Variants in MBNL2 observed in about 807,000 individuals in gnomAD.
The protein encoded by MBNL2 is muscleblind like splicing regulator 2, also known as muscleblind-like protein 2.
Under a neutral mutation model 41.9 loss-of-function variants are expected in MBNL2, and 17 were observed. That is an observed-to-expected ratio of 0.41 (90% CI 0.28 to 0.61). The LOEUF (loss-of-function observed/expected upper bound fraction) is 0.61. Ranked by LOEUF, MBNL2 falls within the 20% of genes least tolerant of loss-of-function variation. The probability of loss-of-function intolerance (pLI) is 0.35; values close to 1 mark genes in which losing one functional copy is unlikely to be tolerated. For synonymous variants in MBNL2, 195 were observed against 182.9 expected (o/e 1.07, Z -0.53); for missense variants, 336 against 505.6 (o/e 0.66, Z 3.22).
At chr13:97,201,532 CTTA>C in the MBNL2 span, among the ~76,000 whole-genome samples, 84 of 152,238 alleles carry the variant, frequency 5.5e-4, 1 homozygote, top group East Asian at 1.7e-3. Context: ...AAATTATTTA[CTTA>C]TTATTCCTTT....
chr13:97,246,585 C>T (rs1042436761), intron 1 of MBNL2, among the ~76,000 whole-genome samples: 8 of 152,124 alleles, frequency 5.3e-5, no homozygotes, highest in African/African-American at 9.7e-5. Context: ...TTAACTACTG[C>T]GAATAAACTT....
chr13:97,382,980 G>A (rs186494390), intron 8 of MBNL2, among the ~76,000 whole-genome samples: 119 of 152,244 alleles, frequency 7.8e-4, no homozygotes, highest in African/African-American at 2.8e-3. Context: ...CAGTGCTCTT[G>A]AATATGTCTT....
intron 2 of MBNL2, among the ~76,000 whole-genome samples, chr13:97,297,644 C>A (rs1407142403): frequency 1.3e-5 from 2 of 152,116 alleles, no homozygotes; most frequent in Non-Finnish European, 2.9e-5. Context: ...AAAAAAGTAT[C>A]CCCAGCCAAG....
intron 2 of MBNL2, among the ~76,000 whole-genome samples, chr13:97,290,661 C>A (rs1421247623): frequency 7.4e-6 from 1 of 135,852 alleles, no homozygotes; most frequent in African/African-American, 2.8e-5. Context: ...CTGGCCTGGG[C>A]GACAGAGCGA....
At chr13:97,311,509 C>A (rs765976697) in intron 2 of MBNL2, among the ~76,000 whole-genome samples, 1 of 152,130 alleles carries the variant, frequency 6.6e-6, no homozygotes, top group South Asian at 2.1e-4. Flanking sequence ...CACACTTAAG[C>A]TTTTCATTCT....
intron 2 of MBNL2, among the ~76,000 whole-genome samples, chr13:97,325,427 A>G (rs967871301): frequency 1.3e-5 from 2 of 152,210 alleles, no homozygotes; most frequent in East Asian, 3.9e-4. Context: ...GCCAACCAAA[A>G]TGCATTTAAA....
At chr13:97,391,201 A>G in intron 8 of MBNL2, 121 bp from the exon 9 acceptor site, 1 of 620,674 alleles carries the variant, frequency 1.6e-6, no homozygotes, top group Non-Finnish European at 2.9e-6. Flanking sequence ...TTGCATCAAA[A>G]TAATGAGAGA....
chr13:97,167,219 C>CA, the MBNL2 span, among the ~76,000 whole-genome samples: 1 of 151,934 alleles, frequency 6.6e-6, no homozygotes, highest in Admixed American at 6.6e-5. Flanking sequence ...AGGCCAAAAC[C>CA]AAAATAGCAA....
chr13:97,239,270 G>A (rs1296032086), intron 1 of MBNL2, among the ~76,000 whole-genome samples: 1 of 152,178 alleles, frequency 6.6e-6, no homozygotes, highest in East Asian at 1.9e-4. Context: ...ATAACAACCT[G>A]CCAATATAGA....
intron 2 of MBNL2, among the ~76,000 whole-genome samples, chr13:97,288,454 C>G (rs1024705483): frequency 1.3e-5 from 2 of 152,130 alleles, no homozygotes; most frequent in African/African-American, 2.4e-5. Flanking sequence ...AAGGAAAGAG[C>G]CCAACCAGAA....
At chr13:97,221,295 G>C (rs2152758629), upstream of MBNL2, 1 of 152,092 alleles carries the variant, frequency 6.6e-6, no homozygotes, top group East Asian at 1.9e-4. Context: ...GAAAATGTAT[G>C]CTTGTTGTGT....
At chr13:97,177,972 T>C in the MBNL2 span, among the ~76,000 whole-genome samples, 5 of 152,172 alleles carry the variant, frequency 3.3e-5, no homozygotes, top group Admixed American at 6.5e-5. Context: ...TGCCAGACAT[T>C]TGAGATTTCA....
chr13:97,326,854 A>T (rs1037016261), intron 2 of MBNL2, among the ~76,000 whole-genome samples: 4 of 152,168 alleles, frequency 2.6e-5, no homozygotes, highest in Non-Finnish European at 4.4e-5. Flanking sequence ...TTATTCCCCT[A>T]CACTTTTACT....
In MBNL2 at chr13:97,270,029, G is replaced by A. The variant is rs199512192; in HGVS notation, c.-604-5603G>A. ...GTACATACAGGCAGGAACTATTATC[G>A]ACATTTAGATGAAGAAGGTGGGTCT... On this transcript the variant is annotated intron_variant, in intron 1 of 8. Coordinates refer to ENST00000679496, the MANE Select transcript of MBNL2 (RefSeq NM_001382683.1). 6.6e-5 allele frequency among the ~76,000 whole-genome samples: 10 copies of A among 152,208 alleles called. No individual in the cohort carries two copies. The East Asian group carries it at 1.3e-3, about 21-fold the overall frequency.
At chr13:97,277,196 G>A (rs1207348135) in intron 2 of MBNL2, among the ~76,000 whole-genome samples, 1 of 152,212 alleles carries the variant, frequency 6.6e-6, no homozygotes, top group Non-Finnish European at 1.5e-5. Flanking sequence ...GGAGGATGGA[G>A]AGAATTTAAT....
At chr13:97,339,393 G>A (rs1344986706) in intron 3 of MBNL2, among the ~76,000 whole-genome samples, 1 of 152,056 alleles carries the variant, frequency 6.6e-6, no homozygotes, top group Non-Finnish European at 1.5e-5. Context: ...AACAGGGGCA[G>A]GAAATCGCAA....
Position 97,323,534 on chromosome 13 carries a change from A to T in MBNL2, c.175-10742A>T, listed in dbSNP as rs534259190. On this transcript the variant is annotated intron_variant, in intron 2 of 8. Transcript: ENST00000679496. ...GTATTAGGTGTTATAAGTAATCTAGAGATGATTTAAAGTATATAGGAAGAT... is the reference window on the plus strand; with the variant it reads ...GTATTAGGTGTTATAAGTAATCTAGTGATGATTTAAAGTATATAGGAAGAT... Among the ~76,000 whole-genome samples, 4 of 152,334 alleles carry T rather than the reference A, an allele frequency of 2.6e-5. No individual in the cohort carries two copies. In the South Asian group the frequency reaches 8.3e-4, roughly 32 times the overall value.
intron 2 of MBNL2, among the ~76,000 whole-genome samples, chr13:97,321,381 G>A (rs1467760275): frequency 6.6e-6 from 1 of 152,120 alleles, no homozygotes; most frequent in Non-Finnish European, 1.5e-5. Context: ...AGAGAAGCAG[G>A]GAAAACACTT....
chr13:97,289,127 A>G (rs1336141139), intron 2 of MBNL2, among the ~76,000 whole-genome samples: 3 of 152,208 alleles, frequency 2.0e-5, no homozygotes, highest in African/African-American at 7.2e-5. Flanking sequence ...CTTATTCTTA[A>G]AAAATACATA....
Sources: gnomAD v4.1 joint callset for allele counts (sites outside exome capture counted in the v4.1 genomes callset) on GRCh38, gnomAD v4.1.1 for gene constraint, MANE v1.5 for transcripts, NCBI Gene and HGNC (gene_info 2026-07-23, HGNC 2026-07-21) for gene names.